Variants in CFAP44 observed in about 807,000 individuals in gnomAD.
CFAP44 encodes the protein cilia and flagella associated protein 44, also known as cilia- and flagella-associated protein 44.
In CFAP44, 134 loss-of-function variants were observed where a neutral mutation model predicts 216.2. The observed-to-expected ratio is 0.62, with a 90% confidence interval of 0.54 to 0.72. CFAP44 has a LOEUF of 0.72. CFAP44 is among the 30% of genes least tolerant of loss of function. The pLI is 0.00. For synonymous variants in CFAP44, 700 were observed against 727.6 expected, an observed-to-expected ratio of 0.96 and a Z score of 0.61; for missense variants, 2,035 against 2,182.1, an observed-to-expected ratio of 0.93 and a Z score of 1.34.
chr3:113,317,711 T>C (rs1950101853), intron 28 of CFAP44, among the ~76,000 whole-genome samples: 1 of 152,210 alleles, frequency 6.6e-6, no homozygotes, highest in African/African-American at 2.4e-5. Flanking sequence ...GCCCTCACTC[T>C]CAGAGAGTAT....
intron 28 of CFAP44, among the ~76,000 whole-genome samples, chr3:113,311,926 C>G (rs1161032375): frequency 6.6e-6 from 1 of 152,056 alleles, no homozygotes; most frequent in Admixed American, 6.6e-5. Context: ...GCATTTTGCC[C>G]CTGCCCTAGA....
At chr3:113,414,714 G>A (rs908756441) in intron 6 of CFAP44, among the ~76,000 whole-genome samples, 16 of 152,070 alleles carry the variant, frequency 1.1e-4, no homozygotes, top group African/African-American at 3.4e-4. Context: ...TGAAGGCGGC[G>A]TGATCATGGT....
intron 28 of CFAP44, among the ~76,000 whole-genome samples, chr3:113,317,320 C>G (rs942160511): frequency 1.3e-5 from 2 of 152,188 alleles, no homozygotes; most frequent in African/African-American, 4.8e-5. Context: ...GCCATAGACA[C>G]TCATCCCCCA....
intron 30 of CFAP44, 105 bp from the exon 31 acceptor site, chr3:113,305,257 C>A: frequency 1.0e-6 from 1 of 969,680 alleles, no homozygotes; most frequent in Non-Finnish European, 1.5e-6. Flanking sequence ...TGAGCAGAAT[C>A]TGCTTTGTTG....
At chr3:113,296,907 C>G (rs1250262894) in intron 32 of CFAP44, 22 bp from the exon 33 acceptor site, 1 of 1,537,034 alleles carries the variant, frequency 6.5e-7, no homozygotes, top group African/African-American at 1.4e-5. Flanking sequence ...CAGTCACTGG[C>G]TCAGGTTGTT....
rs556928488 is a variant in CFAP44 at position 113,317,436 on chromosome 3, C to G, written c.4516+9009G>C. On this transcript the variant is annotated intron_variant, in intron 28 of 34. Coordinates refer to ENST00000393845, the MANE Select transcript of CFAP44 (RefSeq NM_001164496.2). ...GACTGGGGCACATCTTCTCTGCAAG[C>G]CCTCCTGCCTGCCAGTCACTGCCGG... 1.8e-4 allele frequency among the ~76,000 whole-genome samples: 26 copies of G among 142,004 alleles called. No homozygotes were observed. The South Asian group carries it at 5.0e-3, about 27-fold the overall frequency. The allele number at this position is 142,004 out of a possible 152,430, so 93.2% of individuals were successfully genotyped here.
chr3:113,347,079 C>T (rs1055341393), intron 22 of CFAP44, among the ~76,000 whole-genome samples: 2 of 152,070 alleles, frequency 1.3e-5, no homozygotes, highest in Non-Finnish European at 2.9e-5. Context: ...TTAGCTTGCT[C>T]TTCTGCCCTA....
intron 15 of CFAP44, among the ~76,000 whole-genome samples, chr3:113,387,058 A>C (rs889375483): frequency 2.6e-5 from 4 of 152,194 alleles, no homozygotes; most frequent in Non-Finnish European, 5.9e-5. Flanking sequence ...AAGCCTCACC[A>C]CCATAGCCTA....
At chr3:113,317,564 G>C (rs1385651762) in intron 28 of CFAP44, among the ~76,000 whole-genome samples, 2 of 152,216 alleles carry the variant, frequency 1.3e-5, no homozygotes, top group Admixed American at 6.5e-5. Context: ...CAACCACGAA[G>C]CAAATTGGAT....
At chr3:113,298,547 C>A (rs1254193770) in intron 32 of CFAP44, among the ~76,000 whole-genome samples, 1 of 152,182 alleles carries the variant, frequency 6.6e-6, no homozygotes, top group African/African-American at 2.4e-5. Context: ...ATGTTCATCA[C>A]AGTACTATTC....
At chr3:113,352,032 C>G (rs1950450095) in intron 22 of CFAP44, among the ~76,000 whole-genome samples, 1 of 152,150 alleles carries the variant, frequency 6.6e-6, no homozygotes, top group Admixed American at 6.5e-5. Flanking sequence ...TTGCCCAATT[C>G]CCAACAGCAG....
At chr3:113,322,317 T>C (rs909910087) in intron 28 of CFAP44, among the ~76,000 whole-genome samples, 5 of 152,102 alleles carry the variant, frequency 3.3e-5, no homozygotes, top group Non-Finnish European at 5.9e-5. Flanking sequence ...TGGCTAGCCA[T>C]AGACAACCTA....
At chr3:113,435,716 A>T (rs559851574) in intron 1 of CFAP44, among the ~76,000 whole-genome samples, 1 of 137,246 alleles carries the variant, frequency 7.3e-6, no homozygotes, top group Admixed American at 7.7e-5. Flanking sequence ...GTGACAGACC[A>T]AGACTCTGCT....
At chr3:113,294,624 G>A in intron 34 of CFAP44, 63 bp downstream of exon 34, 1 of 1,459,998 alleles carries the variant, frequency 6.8e-7, no homozygotes, top group South Asian at 1.5e-5. Context: ...ACATTCTTGT[G>A]AATAGCTACC....
intron 15 of CFAP44, among the ~76,000 whole-genome samples, chr3:113,383,116 T>C (rs1361533725): frequency 6.6e-6 from 1 of 152,198 alleles, no homozygotes; most frequent in Admixed American, 6.5e-5. Flanking sequence ...TTTTGCTAGA[T>C]GGGTATGAAG....
At chr3:113,358,177 C>T (rs1950508396) in intron 22 of CFAP44, among the ~76,000 whole-genome samples, 1 of 151,956 alleles carries the variant, frequency 6.6e-6, no homozygotes, top group African/African-American at 2.4e-5. Context: ...AGAGTATTTC[C>T]TGAAGTGAGG....
At position 113,399,927 on chromosome 3, in the gene CFAP44, G is replaced by A. The variant is rs749717625; in HGVS notation, c.1548C>T (p.Ala516=). 6.3e-7 allele frequency: 1 copy of A among 1,596,740 alleles called. No homozygotes were observed. Among genetic ancestry groups the A allele is most frequent in the Non-Finnish European group, 8.5e-7 (1 of 1,173,050 alleles). The change falls in exon 13 of 35, where the codon GCC becomes GCT. Residue 516 remains alanine (A), a synonymous_variant. Transcript: ENST00000393845. ...TTACCATTCGGGGTACCCAAACAAG[G>A]GCAGTACCTCCTTGTTTGAATTTCA... The part of the protein sequence containing the change: ...AQMKFKQGGT[A]LVWVPRMVNF...
At chr3:113,323,046 G>A (rs1029641041) in intron 28 of CFAP44, among the ~76,000 whole-genome samples, 4 of 152,184 alleles carry the variant, frequency 2.6e-5, no homozygotes, top group African/African-American at 9.7e-5. Context: ...CACTCATCAT[G>A]AGAATAGCAG....
intron 6 of CFAP44, 130 bp from the exon 7 acceptor site, chr3:113,409,452 T>C: frequency 1.3e-6 from 1 of 750,896 alleles, no homozygotes; most frequent in Non-Finnish European, 2.1e-6. Flanking sequence ...AAAGGAACAA[T>C]TCCAAAAACA....
Sources: gnomAD v4.1 joint callset for allele counts (sites outside exome capture counted in the v4.1 genomes callset) on GRCh38, gnomAD v4.1.1 for gene constraint, MANE v1.5 for transcripts, NCBI Gene and HGNC (gene_info 2026-07-23, HGNC 2026-07-21) for gene names.